Variants in RESF1 observed in about 807,000 individuals in gnomAD.
RESF1 encodes retroelement silencing factor 1, also known as gonad expressed transcript.
RESF1 carries 65 observed loss-of-function variants against 134.7 expected under a neutral mutation model. The ratio of observed to expected loss-of-function variants is 0.48; its 90% CI spans 0.40 to 0.59. The LOEUF (loss-of-function observed/expected upper bound fraction) is 0.59. Ranked by LOEUF, RESF1 falls within the 20% of genes least tolerant of loss-of-function variation. The pLI is 0.00. For synonymous variants in RESF1, 762 were observed against 702.2 expected, an observed-to-expected ratio of 1.09 and a Z score of -1.35; for missense variants, 2,274 against 2,002.7, an observed-to-expected ratio of 1.14 and a Z score of -2.59.
chr12:31,992,315 G>C, intron 5 of RESF1, 63 bp from the exon 6 acceptor site: 7 of 1,376,494 alleles, frequency 5.1e-6, no homozygotes, highest in Non-Finnish European at 7.0e-6. Flanking sequence ...TCTGAATTTT[G>C]ATTATATATT....
chr12:31,969,088 G>C (rs1416994862), intron 2 of RESF1, among the ~76,000 whole-genome samples: 2 of 152,292 alleles, frequency 1.3e-5, no homozygotes, highest in East Asian at 3.9e-4. Context: ...ATATAGGCGT[G>C]TACCACCACG....
At chr12:31,990,876 G>T (rs1181219047) in intron 5 of RESF1, among the ~76,000 whole-genome samples, 2 of 152,296 alleles carry the variant, frequency 1.3e-5, no homozygotes, top group Non-Finnish European at 2.9e-5. Context: ...AGAGAAAAAT[G>T]CCATGAACTC....
intron 2 of RESF1, among the ~76,000 whole-genome samples, chr12:31,964,457 A>G (rs1939353532): frequency 6.6e-6 from 1 of 152,198 alleles, no homozygotes; most frequent in Non-Finnish European, 1.5e-5. Flanking sequence ...TGCAAAGGAC[A>G]TGATCTCATT....
chr12:31,960,742 C>G (rs756309604), intron 1 of RESF1, 35 bp from the exon 2 acceptor site: 1 of 152,164 alleles, frequency 6.6e-6, no homozygotes, highest in Admixed American at 6.5e-5. Context: ...TTAGCATGTG[C>G]TCTTTTATTA....
At chr12:31,962,826 G>A (rs763953811) in intron 2 of RESF1, among the ~76,000 whole-genome samples, 20 of 152,282 alleles carry the variant, frequency 1.3e-4, no homozygotes, top group Admixed American at 3.9e-4. Flanking sequence ...GGTCGGGTGC[G>A]GTGGCTCATG....
chr12:31,962,992 G>A (rs922127863), intron 2 of RESF1, among the ~76,000 whole-genome samples: 5 of 152,156 alleles, frequency 3.3e-5, no homozygotes, highest in African/African-American at 9.6e-5. Context: ...CCGGCTATCC[G>A]GGAGGCAGAG....
rs907850715 is a variant in RESF1 at position 31,982,013 on chromosome 12, C to G, written c.1058C>G (p.Pro353Arg). Residue 353 changes from proline (P) to arginine (R), a missense_variant, in exon 4 of 6, where the codon CCC (proline) becomes CGC (arginine). Coordinates refer to ENST00000312561, the MANE Select transcript of RESF1 (RefSeq NM_018169.4). ...NTNSKQPFNS[P>R]IRSSVDGVQT... ...AACAGCAAACAGCCTTTTAACAGTC[C>G]CATTAGATCTTCTGTGGATGGTGTT... is the stretch of plus-strand genomic sequence containing the variant. 6.2e-7 allele frequency: 1 copy of G among 1,614,032 alleles called. No individual in the cohort carries two copies.
rs112465364 is a variant in RESF1, at chr12:31,982,792, A to G, written c.1837A>G (p.Ser613Gly). 1,488 of 1,614,184 alleles carry G rather than the reference A, an allele frequency of 9.2e-4. 9 individuals carry two copies. In the African/African-American group the frequency reaches 0.017, roughly 18 times the overall value. The change falls in exon 4 of 6, where the codon AGT becomes GGT. Residue 613 changes from serine to glycine, a missense_variant. Transcript: ENST00000312561. Reference protein sequence around the residue: ...NQTIQDSKPDSCEMNPNTQMT... With the variant: ...NQTIQDSKPDGCEMNPNTQMT... The stretch of plus-strand genomic sequence containing the variant: ...AACTATTCAGGATTCTAAACCAGAC[A>G]GTTGTGAAATGAATCCAAATACCCA...
At chr12:31,965,316 A>G (rs769534224) in intron 2 of RESF1, among the ~76,000 whole-genome samples, 3 of 152,150 alleles carry the variant, frequency 2.0e-5, no homozygotes, top group African/African-American at 4.8e-5. Context: ...GGCAGTCAGA[A>G]AATGAAAGTA....
Position 31,992,536 on chromosome 12 carries a change from T to C in RESF1, c.*1T>C, listed in dbSNP as rs140283743. On this transcript the variant is annotated 3_prime_UTR_variant, in exon 6 of 6. Transcript: ENST00000312561. ...CCTTGGTAGCAGTCCTGTAAAATAA[T>C]TACAAGATGTGGTTTTGTAATTGCC... The C allele has an allele frequency of 1.3e-4, 203 of 1,612,020 alleles. No individual in the cohort carries two copies. Among genetic ancestry groups the C allele is most frequent in the Middle Eastern group, 6.6e-4 (4 of 6,074 alleles).
intron 2 of RESF1, among the ~76,000 whole-genome samples, chr12:31,968,424 A>G (rs1269313501): frequency 6.6e-6 from 1 of 151,098 alleles, no homozygotes; most frequent in Non-Finnish European, 1.5e-5. Flanking sequence ...ACTTTTTCCC[A>G]TCTATAAGTT....
chr12:31,982,358 A>G lies in RESF1; in HGVS notation c.1403A>G (p.Gln468Arg). ...TPVMPENAER[Q>R]TPTVVESAET... ...GTAATGCCAGAGAATGCAGAGAGAC[A>G]AACACCAACAGTAGTGGAATCTGCA... The change falls in exon 4 of 6, where the codon CAA becomes CGA. Residue 468 changes from glutamine (Q) to arginine (R), a missense_variant. By Grantham distance (43) the Gln-to-Arg change is conservative. Coordinates refer to ENST00000312561, the MANE Select transcript of RESF1 (RefSeq NM_018169.4). 1 of 1,614,160 alleles carries G rather than the reference A, an allele frequency of 6.2e-7. No individual in the cohort carries two copies. Among genetic ancestry groups the G allele is most frequent in the Non-Finnish European group, 8.5e-7 (1 of 1,180,006 alleles).
Position 31,982,026 on chromosome 12 carries a change from T to C in RESF1, c.1071T>C (p.Ser357=). ...CTTTTAACAGTCCCATTAGATCTTCTGTGGATGGTGTTCAGACTCTTGCTC... is the reference window on the plus strand; with the variant it reads ...CTTTTAACAGTCCCATTAGATCTTCCGTGGATGGTGTTCAGACTCTTGCTC... ...KQPFNSPIRS[S]VDGVQTLAQT... Residue 357 remains serine, a synonymous_variant, in exon 4 of 6, where the codon TCT becomes TCC. Coordinates refer to ENST00000312561, the MANE Select transcript of RESF1 (RefSeq NM_018169.4). 1.2e-6 allele frequency: 2 copies of C among 1,614,136 alleles called. No individual in the cohort carries two copies. The highest frequency in any genetic ancestry group is 1.7e-6 in the Non-Finnish European group (2 of 1,179,994).
At chr12:31,968,556 C>T (rs974010963) in intron 2 of RESF1, among the ~76,000 whole-genome samples, 1 of 151,568 alleles carries the variant, frequency 6.6e-6, no homozygotes, top group Non-Finnish European at 1.5e-5. Flanking sequence ...TCATGCCATT[C>T]TCCTGCCTCA....
intron 3 of RESF1, among the ~76,000 whole-genome samples, chr12:31,971,584 G>A (rs1306594515): frequency 6.6e-6 from 1 of 152,192 alleles, no homozygotes; most frequent in Non-Finnish European, 1.5e-5. Context: ...GACATTCTCT[G>A]TCTTTTGGAT....
intron 2 of RESF1, among the ~76,000 whole-genome samples, chr12:31,965,791 T>A (rs914617958): frequency 1.3e-5 from 2 of 149,868 alleles, no homozygotes; most frequent in Non-Finnish European, 2.9e-5. Context: ...CTGGGGAGGC[T>A]GAGGCAGGAG....
rs773430145 is a variant in RESF1, at chr12:31,984,929, A to C, written c.3974A>C (p.Lys1325Thr). ...EQASQETRQK[K>T]HVTQNSRPLK... is the part of the protein sequence containing the mutation. ...GCTTCTCAGGAAACCCGACAGAAGA[A>C]ACATGTAACACAGAACTCACGTCCA... Residue 1325 changes from lysine (K) to threonine (T), a missense_variant, in exon 4 of 6, where the codon AAA becomes ACA. Lys to Thr is a moderately conservative substitution (Grantham distance 78). Transcript: ENST00000312561. The C allele has an allele frequency of 5.0e-6, 8 of 1,613,320 alleles. No homozygotes were observed. Among genetic ancestry groups the C allele is most frequent in the Non-Finnish European group, 6.8e-6 (8 of 1,179,848 alleles).
chr12:31,987,086 C>T (rs1939989836), intron 4 of RESF1, 153 bp from the exon 5 acceptor site: 5 of 553,646 alleles, frequency 9.0e-6, no homozygotes, highest in Non-Finnish European at 1.6e-5. Flanking sequence ...AAATAGAAAT[C>T]ATTTTTCCAG....
At chr12:31,989,284 T>C (rs1408634841) in intron 5 of RESF1, among the ~76,000 whole-genome samples, 2 of 150,266 alleles carry the variant, frequency 1.3e-5, no homozygotes, top group Non-Finnish European at 2.9e-5. Context: ...TAGTCCCAGC[T>C]ACTCGGGAGG....
Sources: gnomAD v4.1 joint callset for allele counts (sites outside exome capture counted in the v4.1 genomes callset) on GRCh38, gnomAD v4.1.1 for gene constraint, MANE v1.5 for transcripts, NCBI Gene and HGNC (gene_info 2026-07-23, HGNC 2026-07-21) for gene names.